The following TOR1AIP2 variants were observed in gnomAD, a reference collection of about 807,000 sequenced individuals.
TOR1AIP2 encodes the protein torsin-1A-interacting protein 2.
TOR1AIP2 carries 20 observed loss-of-function variants against 32.6 expected under a neutral mutation model. The observed-to-expected ratio is 0.61, with a 90% CI of 0.43 to 0.89. TOR1AIP2 has a LOEUF of 0.89. Ranked by LOEUF, TOR1AIP2 falls within the 40% of genes least tolerant of loss-of-function variation. The pLI, the probability that TOR1AIP2 is intolerant of heterozygous loss-of-function variation, is 0.00. For synonymous variants in TOR1AIP2, 214 were observed against 210.8 expected (o/e 1.02, Z -0.13); for missense variants, 456 against 553.8 (o/e 0.82, Z 1.77).
At chr1:179,857,795 T>C (rs1696362854) in intron 3 of TOR1AIP2, among the ~76,000 whole-genome samples, 1 of 152,180 alleles carries the variant, frequency 6.6e-6, no homozygotes, top group Non-Finnish European at 1.5e-5. Flanking sequence ...TGAAAACAAG[T>C]AGTAACATAT....
At position 179,852,483 on chromosome 1, in the gene TOR1AIP2, G is replaced by A. The variant is rs149293974; in HGVS notation, c.34+149C>T. ...CATTATAGTAAAATTCAGTAAATTT[G>A]AAAGAATAAGTATAATCAAAACAAA... On this transcript the variant is annotated intron_variant, in intron 4 of 6. Coordinates refer to ENST00000609928, the MANE Select transcript of TOR1AIP2 (RefSeq NM_001199260.2). 3.6e-4 allele frequency: 256 copies of A among 719,346 alleles called. No individual in the cohort carries two copies. In the African/African-American group the frequency reaches 3.9e-3, roughly 11 times the overall value. 44.6% of individuals were successfully genotyped at this position (719,346 alleles called of 1,614,324 possible).
chr1:179,872,352 C>T (rs17370666), intron 2 of TOR1AIP2, among the ~76,000 whole-genome samples: 5,441 of 152,280 alleles, frequency 0.036, 138 homozygotes, highest in East Asian at 0.095. Context: ...TTTCAACAGT[C>T]AGATCTGGTG....
chr1:179,877,045 C>T lies in TOR1AIP2; in HGVS notation c.-566+194G>A, dbSNP rs147793175. Among the ~76,000 whole-genome samples the T allele has an allele frequency of 5.7e-4, 87 of 151,664 alleles. 2 individuals carry two copies. The highest frequency in any genetic ancestry group is 3.8e-3 in the Admixed American group (58 of 15,238). ...GATTAAGATTATGAATGTCGAGAACCTAGGCATGTTGGGAATGGAGTAATC... is the reference window on the plus strand; with the variant it reads ...GATTAAGATTATGAATGTCGAGAACTTAGGCATGTTGGGAATGGAGTAATC... On this transcript the variant is annotated intron_variant, in intron 2 of 6. Coordinates refer to ENST00000609928, the MANE Select transcript of TOR1AIP2 (RefSeq NM_001199260.2).
rs144334033 is a variant in TOR1AIP2 at position 179,876,920 on chromosome 1, A to C, written c.-566+319T>G. On this transcript the variant is annotated intron_variant, in intron 2 of 6. Transcript: ENST00000609928. ...TTAAATACAATTGGGAGAATGGTAC[A>C]TATATAATATGTAAGCAAAATGGTA... Among the ~76,000 whole-genome samples, 416 of 152,266 alleles carry C rather than the reference A, an allele frequency of 2.7e-3. 2 individuals are homozygous for C. Among genetic ancestry groups the C allele is most frequent in the African/African-American group, 9.6e-3 (397 of 41,570 alleles).
chr1:179,870,799 A>C (rs116145591), intron 2 of TOR1AIP2, among the ~76,000 whole-genome samples: 30 of 152,366 alleles, frequency 2.0e-4, no homozygotes, highest in African/African-American at 7.2e-4. Flanking sequence ...TTCCTTTCTC[A>C]ACTTCATTAG....
At position 179,851,033 on chromosome 1, in the gene TOR1AIP2, C is replaced by A. The variant is rs1271073841; in HGVS notation, c.365G>T (p.Ser122Ile). The change falls in exon 5 of 7, where the codon AGT becomes ATT. Residue 122 changes from serine (S) to isoleucine (I), a missense_variant. Physicochemically the swap from Ser to Ile is moderately radical, Grantham distance 142. Transcript: ENST00000609928. ...PLDPDPSHSP[S>I]DKVGRADAHL... ...TGCATCTGCTCTTCCTACCTTGTCA[C>A]TTGGAGAATGGCTGGGATCTGGATC... 1 of 1,614,216 alleles carries A rather than the reference C, an allele frequency of 6.2e-7. No individual in the cohort carries two copies. The highest frequency in any genetic ancestry group is 1.1e-5 in the South Asian group (1 of 91,084).
chr1:179,864,407 TCA>T (rs1696682292), intron 3 of TOR1AIP2: 1 of 994,912 alleles, frequency 1.0e-6, no homozygotes, highest in African/African-American at 1.7e-5. Flanking sequence ...ACAAAAGTTA[TCA>T]TTAGAAATAC....
At chr1:179,862,271 G>C in intron 3 of TOR1AIP2, 1 of 977,400 alleles carries the variant, frequency 1.0e-6, no homozygotes, top group Non-Finnish European at 1.2e-6. Context: ...ATATGTCCTT[G>C]TAACATAAGC....
chr1:179,859,390 T>G, intron 3 of TOR1AIP2: 1 of 984,818 alleles, frequency 1.0e-6, no homozygotes, highest in Non-Finnish European at 1.2e-6. Flanking sequence ...AGTTAGGATT[T>G]GAACTCAGGT....
At chr1:179,854,363 TAA>T (rs1490536083) in intron 3 of TOR1AIP2, among the ~76,000 whole-genome samples, 1 of 151,996 alleles carries the variant, frequency 6.6e-6, no homozygotes, top group African/African-American at 2.4e-5. Flanking sequence ...CATAGACAAA[TAA>T]GACTCAAAAC....
intron 3 of TOR1AIP2, among the ~76,000 whole-genome samples, chr1:179,858,462 G>T (rs1034799478): frequency 6.6e-6 from 1 of 151,952 alleles, no homozygotes; most frequent in African/African-American, 2.4e-5. Context: ...AGGTAAATGG[G>T]ATAAAATGTT....
chr1:179,865,310 G>T, intron 3 of TOR1AIP2, 126 bp downstream of exon 3: 4 of 1,215,930 alleles, frequency 3.3e-6, no homozygotes, highest in Non-Finnish European at 4.5e-6. Flanking sequence ...TATTTGGAGA[G>T]CCAAATAAAC....
At chr1:179,852,854 C>T in intron 3 of TOR1AIP2, 43 bp from the exon 4 acceptor site, 1 of 1,284,538 alleles carries the variant, frequency 7.8e-7, no homozygotes, top group Non-Finnish European at 1.0e-6. Flanking sequence ...TTTATCCATA[C>T]AAGGGAGAAA....
At chr1:179,865,156 A>T in intron 3 of TOR1AIP2, 1 of 1,607,756 alleles carries the variant, frequency 6.2e-7, no homozygotes, top group Non-Finnish European at 8.5e-7. Flanking sequence ...AATCAGGGCA[A>T]TGTGAATTAT....
chr1:179,850,854 G>A lies in TOR1AIP2; in HGVS notation c.544C>T (p.Leu182=), dbSNP rs766735054. Residue 182 remains leucine (L), a synonymous_variant, in exon 5 of 7, where the codon CTG becomes TTG. Coordinates refer to ENST00000609928, the MANE Select transcript of TOR1AIP2 (RefSeq NM_001199260.2). ...EGEDTLRRRL[L]APEAGSHPQQ... ...CAGGGGGTTCTCTTACCTGGGGCCA[G>A]CAGTCGCCTCCTCAGTGTATCCTCA... The A allele has an allele frequency of 6.2e-7, 1 of 1,612,968 alleles. No homozygotes were observed. The highest frequency in any genetic ancestry group is 8.5e-7 in the Non-Finnish European group (1 of 1,179,214).
Position 179,858,547 on chromosome 1 carries a change from G to A in TOR1AIP2, c.-146-5736C>T, listed in dbSNP as rs140749317. 2.6e-5 allele frequency among the ~76,000 whole-genome samples: 4 copies of A among 152,194 alleles called. No individual in the cohort carries two copies. The East Asian group carries it at 7.7e-4, about 29-fold the overall frequency. On this transcript the variant is annotated intron_variant, in intron 3 of 6. Transcript: ENST00000609928. The stretch of plus-strand genomic sequence containing the variant: ...TTTCTGTATGTTTGATGTAGTTACT[G>A]CCTTTTTAAATGAGTAATAAAATAA...
rs564952440 is a variant in TOR1AIP2, at chr1:179,846,276, T to G, written c.1208A>C (p.Glu403Ala). ...ALVLTVLLEE[E>A]TLEASVGPRE... is the part of the protein sequence containing the mutation. ...TGGGCCTACACTTGCTTCTAATGTT[T>G]CCTCCTCTAGCAGAACAGTCAGGAC... The change falls in exon 7 of 7, where the codon GAA becomes GCA. Residue 403 changes from glutamate (E) to alanine (A), a missense_variant. Coordinates refer to ENST00000609928, the MANE Select transcript of TOR1AIP2 (RefSeq NM_001199260.2). The G allele has an allele frequency of 2.2e-5, 36 of 1,614,186 alleles. No individual in the cohort carries two copies. The South Asian group carries it at 3.4e-4, about 15-fold the overall frequency.
At chr1:179,876,248 A>G (rs1479991309) in intron 2 of TOR1AIP2, 3 of 152,226 alleles carry the variant, frequency 2.0e-5, no homozygotes, top group African/African-American at 7.2e-5. Context: ...TTAGGCAAAA[A>G]TAAGTTATAT....
chr1:179,856,648 C>T (rs1189746850), intron 3 of TOR1AIP2, among the ~76,000 whole-genome samples: 1 of 152,104 alleles, frequency 6.6e-6, no homozygotes, highest in African/African-American at 2.4e-5. Flanking sequence ...GATAGAATCT[C>T]ACTCTTCGCA....
Sources: allele counts gnomAD v4.1 joint callset (sites outside exome capture counted in the v4.1 genomes callset), GRCh38; gene constraint gnomAD v4.1.1; transcripts MANE v1.5; gene names NCBI Gene and HGNC (gene_info 2026-07-23, HGNC 2026-07-21).